Variants in SMARCAL1 observed in about 807,000 individuals in gnomAD.
SMARCAL1 encodes the protein ATP-driven annealing helicase.
A neutral mutation model predicts 94.5 loss-of-function variants in SMARCAL1; 58 were observed. That is an observed-to-expected ratio of 0.61 (90% confidence interval 0.50 to 0.76). The LOEUF (loss-of-function observed/expected upper bound fraction) is 0.76, where lower values mean the gene tolerates loss of function less well. Ranked by LOEUF, SMARCAL1 falls within the 30% of genes least tolerant of loss-of-function variation. The pLI, the probability that SMARCAL1 is intolerant of heterozygous loss-of-function variation, is 0.00. For missense variants in SMARCAL1, 1,051 were observed against 1,177.9 expected (o/e 0.89, Z 1.58); for synonymous variants, 422 against 455.1 (o/e 0.93, Z 0.93).
chr2:216,479,539 C>T (rs1695154806), intron 17 of SMARCAL1, among the ~76,000 whole-genome samples: 1 of 150,918 alleles, frequency 6.6e-6, no homozygotes, highest in Admixed American at 6.6e-5. Context: ...CATTCACTTA[C>T]ATTTATTTAG....
intron 12 of SMARCAL1, among the ~76,000 whole-genome samples, chr2:216,455,630 G>A (rs974913538): frequency 6.6e-6 from 1 of 152,242 alleles, no homozygotes; most frequent in Non-Finnish European, 1.5e-5. Flanking sequence ...CAGACCTGCA[G>A]CTGAGAGTCC....
At chr2:216,452,725 A>G (rs2106057289) in intron 12 of SMARCAL1, among the ~76,000 whole-genome samples, 1 of 152,192 alleles carries the variant, frequency 6.6e-6, no homozygotes, top group African/African-American at 2.4e-5. Flanking sequence ...GCCAAAAAGA[A>G]AAAAAGAAAA....
intron 12 of SMARCAL1, among the ~76,000 whole-genome samples, chr2:216,460,945 AG>A: frequency 6.6e-6 from 1 of 152,320 alleles, no homozygotes; most frequent in South Asian, 2.1e-4. Flanking sequence ...ACATAGTCTC[AG>A]TAGTAGATGA....
intron 17 of SMARCAL1, among the ~76,000 whole-genome samples, chr2:216,480,346 G>A (rs1559139689): frequency 6.6e-6 from 1 of 152,180 alleles, no homozygotes; most frequent in Non-Finnish European, 1.5e-5. Flanking sequence ...TCTGAGAGGG[G>A]AAATGAAATA....
chr2:216,428,359 T>C (rs1281676910), intron 6 of SMARCAL1, among the ~76,000 whole-genome samples: 1 of 152,238 alleles, frequency 6.6e-6, no homozygotes, highest in Non-Finnish European at 1.5e-5. Flanking sequence ...TGAGACTACA[T>C]TCTTTCAAAA....
chr2:216,417,667 A>G (rs947525587), intron 4 of SMARCAL1, among the ~76,000 whole-genome samples: 2 of 151,982 alleles, frequency 1.3e-5, no homozygotes, highest in African/African-American at 4.8e-5. Flanking sequence ...AATTCAACCC[A>G]TAACGCTGCT....
Position 216,428,606 on chromosome 2 carries a change from G to A in SMARCAL1, c.1158G>A (p.Val386=), listed in dbSNP as rs769875821. The A allele has an allele frequency of 8.7e-6, 14 of 1,613,628 alleles. No homozygotes were observed. Among genetic ancestry groups the A allele is most frequent in the Admixed American group, 3.3e-5 (2 of 60,006 alleles). The change falls in exon 7 of 18, where the codon GTG becomes GTA. Residue 386 remains valine (V), a synonymous_variant. Transcript: ENST00000357276. ...LEEHSKLIAK[V]RCLPQVQLDP... is the part of the protein sequence containing the mutation. The stretch of plus-strand genomic sequence containing the variant: ...TGTTCTTCTTTTCAGTTGCAAAGGT[G>A]CGCTGCCTCCCACAAGTTCAGCTGG...
Position 216,451,010 on chromosome 2 carries a change from G to A in SMARCAL1, c.2016G>A (p.Arg672=), listed in dbSNP as rs1303862591. The change falls in exon 12 of 18, where the codon AGG becomes AGA. Residue 672 remains arginine (R), a synonymous_variant. Coordinates refer to ENST00000357276, the MANE Select transcript of SMARCAL1 (RefSeq NM_014140.4). ...TTGCCCCAGGACGGATCAATGCCAG[G>A]ACCAGAGCTGCCCTGGATGCTGCAG... ...VVIAPGRINA[R]TRAALDAAAK... 5 of 1,614,082 alleles carry A rather than the reference G, an allele frequency of 3.1e-6. No homozygotes were observed. The highest frequency in any genetic ancestry group is 3.3e-5 in the Admixed American group (2 of 60,010).
intron 10 of SMARCAL1, among the ~76,000 whole-genome samples, chr2:216,443,712 C>G (rs916301547): frequency 6.6e-6 from 1 of 152,132 alleles, no homozygotes; most frequent in Non-Finnish European, 1.5e-5. Context: ...GCTGACCTAA[C>G]CAGAGATTCA....
chr2:216,418,516 T>C (rs1693652052), intron 4 of SMARCAL1, among the ~76,000 whole-genome samples: 1 of 152,224 alleles, frequency 6.6e-6, no homozygotes, highest in Admixed American at 6.5e-5. Flanking sequence ...GATTGGCTTT[T>C]TATTGGTATA....
At position 216,447,118 on chromosome 2, in the gene SMARCAL1, A is replaced by G. The variant is rs773495646; in HGVS notation, c.1811A>G (p.Gln604Arg). The G allele has an allele frequency of 4.3e-6, 7 of 1,613,734 alleles. No individual in the cohort carries two copies. Among genetic ancestry groups the G allele is most frequent in the African/African-American group, 1.3e-5 (1 of 74,802 alleles). The change falls in exon 11 of 18, where the codon CAG becomes CGG. Residue 604 changes from glutamine (Q) to arginine (R), a missense_variant. Gln to Arg is a conservative substitution (Grantham distance 43, BLOSUM62 1). Coordinates refer to ENST00000357276, the MANE Select transcript of SMARCAL1 (RefSeq NM_014140.4). ...GCAGTCAAGCCAACTTTCTTCCCCC[A>G]GTTTCATGCCTTTGGACTTCGCTAC... ...IIAVKPTFFP[Q>R]FHAFGLRYCD...
intron 10 of SMARCAL1, among the ~76,000 whole-genome samples, chr2:216,442,322 TG>T (rs1466968517): frequency 6.9e-6 from 1 of 145,550 alleles, no homozygotes; most frequent in Non-Finnish European, 1.5e-5. Flanking sequence ...GAGGCTGAGG[TG>T]GGAGAATCAC....
chr2:216,420,231 C>G (rs1315442511), intron 4 of SMARCAL1, 68 bp from the exon 5 acceptor site: 3 of 1,285,996 alleles, frequency 2.3e-6, no homozygotes, highest in Non-Finnish European at 3.3e-6. Flanking sequence ...TCTTCCCTTG[C>G]CTGTATTTCA....
intron 17 of SMARCAL1, chr2:216,479,174 G>T (rs1482423786): frequency 6.6e-6 from 1 of 152,262 alleles, no homozygotes; most frequent in Non-Finnish European, 1.5e-5. Context: ...AATTGTTTCT[G>T]CCAGGAGAGT....
Position 216,428,757 on chromosome 2 carries a change from A to T in SMARCAL1, c.1309A>T (p.Met437Leu). Residue 437 changes from methionine (M) to leucine (L), a missense_variant, in exon 7 of 18, where the codon ATG becomes TTG. Met to Leu is a conservative substitution (Grantham distance 15, BLOSUM62 2). Around this residue, in one of 3 missense-constraint regions of SMARCAL1, gnomAD observed 642 missense variants for 754.7 expected, o/e 0.85. Transcript: ENST00000357276. ...GGACCCCAAGCTCGTGTCTAATCTG[A>T]TGCCCTTTCAGAGAGCTGGAGTCAA... Reference protein sequence around the residue: ...EVDPKLVSNLMPFQRAGVNFA... With the variant: ...EVDPKLVSNLLPFQRAGVNFA... The T allele has an allele frequency of 6.2e-7, 1 of 1,614,142 alleles. No homozygotes were observed. The highest frequency in any genetic ancestry group is 8.5e-7 in the Non-Finnish European group (1 of 1,180,028).
At chr2:216,469,372 C>A (rs1477807050) in intron 14 of SMARCAL1, among the ~76,000 whole-genome samples, 1 of 150,962 alleles carries the variant, frequency 6.6e-6, no homozygotes, top group Admixed American at 6.6e-5. Context: ...AGCTCCACCT[C>A]CCGGGTTCAA....
chr2:216,479,653 A>G (rs1695156964), intron 17 of SMARCAL1, among the ~76,000 whole-genome samples: 1 of 152,178 alleles, frequency 6.6e-6, no homozygotes, highest in African/African-American at 2.4e-5. Flanking sequence ...TTTCAGACAT[A>G]TATAGTTAAT....
At chr2:216,413,365 T>C (rs1693508943) in intron 1 of SMARCAL1, among the ~76,000 whole-genome samples, 1 of 152,196 alleles carries the variant, frequency 6.6e-6, no homozygotes. Flanking sequence ...TAAAATATTG[T>C]AAACATGTCT....
chr2:216,415,121 G>C lies in SMARCAL1; in HGVS notation c.417G>C (p.Leu139Phe), dbSNP rs1465106642. The change falls in exon 3 of 18, where the codon TTG (leucine) becomes TTC (phenylalanine). Residue 139 changes from leucine to phenylalanine, a missense_variant. Physicochemically the swap from Leu to Phe is conservative, Grantham distance 22. This residue lies in a region of SMARCAL1 where 398 missense variants were observed against 395.2 expected (regional missense o/e 1.01). Transcript: ENST00000357276. ...SPPEVPKQQLLSYELGQGHAQ... is the reference protein window; with the variant it reads ...SPPEVPKQQLFSYELGQGHAQ... Reference sequence around the variant, plus strand: ...CAGAGGTCCCTAAACAACAGCTCTTGAGTTATGAGTTAGGTCAAGGTCATG... The same window carrying C: ...CAGAGGTCCCTAAACAACAGCTCTTCAGTTATGAGTTAGGTCAAGGTCATG... 2 of 1,613,482 alleles carry C rather than the reference G, an allele frequency of 1.2e-6. No individual in the cohort carries two copies. The highest frequency in any genetic ancestry group is 1.1e-5 in the South Asian group (1 of 91,076).
Sources: gnomAD v4.1 joint callset for allele counts (sites outside exome capture counted in the v4.1 genomes callset) on GRCh38, gnomAD v4.1.1 for gene constraint, gnomAD v4.1.1 regional missense constraint, MANE v1.5 for transcripts, NCBI Gene and HGNC (gene_info 2026-07-23, HGNC 2026-07-21) for gene names.